The following GUCY1A2 variants were observed in gnomAD, a reference collection of about 807,000 sequenced individuals.
GUCY1A2 encodes guanylate cyclase 1 soluble subunit alpha 2.
Under a neutral mutation model 63.5 loss-of-function variants are expected in GUCY1A2, and 27 were observed. That is an observed-to-expected ratio of 0.43 (90% CI 0.31 to 0.59). GUCY1A2 has a LOEUF of 0.59. Ranked by LOEUF, GUCY1A2 falls within the 20% of genes least tolerant of loss-of-function variation. GUCY1A2 has a pLI of 0.11. For synonymous variants in GUCY1A2, 364 were observed against 343.5 expected (o/e 1.06, Z -0.66); for missense variants, 768 against 913.3 (o/e 0.84, Z 2.05).
intron 4 of GUCY1A2, among the ~76,000 whole-genome samples, chr11:106,853,143 G>A (rs550128291): frequency 1.3e-5 from 2 of 152,064 alleles, no homozygotes; most frequent in Non-Finnish European, 2.9e-5. Flanking sequence ...ATATGTTTAG[G>A]AATCTTTCAC....
In GUCY1A2 at chr11:106,681,102, G is replaced by A. The variant is rs562919822; in HGVS notation, c.*6447C>T. 14 of 208,602 alleles carry A rather than the reference G, an allele frequency of 6.7e-5. No homozygotes were observed. Among genetic ancestry groups the A allele is most frequent in the South Asian group, 1.9e-4 (1 of 5,318 alleles). The allele number at this position is 208,602 out of a possible 1,614,324, so 12.9% of individuals were successfully genotyped here. ...ACTAAAAACATGATTTTTTCATTTC[G>A]AAATCTGAAAGCTTTAGTGTTTTTT... On this transcript the variant is annotated 3_prime_UTR_variant, in exon 8 of 8. Coordinates refer to ENST00000526355, the MANE Select transcript of GUCY1A2 (RefSeq NM_000855.3).
chr11:106,850,871 C>T (rs1047844829), intron 4 of GUCY1A2, among the ~76,000 whole-genome samples: 2 of 151,868 alleles, frequency 1.3e-5, no homozygotes, highest in African/African-American at 2.4e-5. Context: ...AGTGGGATTA[C>T]TAAACTGTAT....
At chr11:107,016,756 G>T (rs1265976309) in intron 1 of GUCY1A2, among the ~76,000 whole-genome samples, 2 of 152,094 alleles carry the variant, frequency 1.3e-5, no homozygotes, top group Non-Finnish European at 2.9e-5. Flanking sequence ...AAGCACTAGA[G>T]AATCCATTGA....
At chr11:106,824,879 G>C (rs1858946509) in intron 4 of GUCY1A2, 2 of 1,612,158 alleles carry the variant, frequency 1.2e-6, no homozygotes, top group African/African-American at 2.7e-5. Flanking sequence ...GCAACTTCCA[G>C]AAGAAGGCTG....
At chr11:106,895,564 C>T (rs1860035778) in intron 4 of GUCY1A2, among the ~76,000 whole-genome samples, 1 of 152,172 alleles carries the variant, frequency 6.6e-6, no homozygotes, top group African/African-American at 2.4e-5. Flanking sequence ...TCCGCACATG[C>T]TCTCTTGCCA....
At chr11:106,760,874 CAG>C (rs960726772) in intron 6 of GUCY1A2, among the ~76,000 whole-genome samples, 4 of 152,004 alleles carry the variant, frequency 2.6e-5, no homozygotes, top group African/African-American at 4.8e-5. Context: ...AGAAGGAAGA[CAG>C]GAACTGAGGA....
chr11:106,966,591 T>C (rs1861129872), intron 3 of GUCY1A2, among the ~76,000 whole-genome samples: 1 of 152,212 alleles, frequency 6.6e-6, no homozygotes, highest in South Asian at 2.1e-4. Flanking sequence ...AACAAAGTAC[T>C]TAAAAACTAT....
chr11:106,901,100 C>T (rs1168943300), intron 4 of GUCY1A2, among the ~76,000 whole-genome samples: 2 of 152,178 alleles, frequency 1.3e-5, no homozygotes. Context: ...CCTCTCAAAC[C>T]CTGCTGCTGC....
chr11:106,832,393 A>G (rs577266821), intron 4 of GUCY1A2, among the ~76,000 whole-genome samples: 6 of 152,232 alleles, frequency 3.9e-5, no homozygotes, highest in African/African-American at 1.4e-4. Flanking sequence ...TTTCTTTTTG[A>G]TGTTTATTTT....
chr11:106,827,581 GA>G (rs1476257934), intron 4 of GUCY1A2: 4 of 1,454,384 alleles, frequency 2.8e-6, no homozygotes, highest in Non-Finnish European at 2.9e-6. Context: ...TATACATGCT[GA>G]TTGCCATCTT....
chr11:106,779,142 G>C lies in GUCY1A2; in HGVS notation c.1693-2560C>G, dbSNP rs1419115010. ...TTATCACTTGATCATCAGGAAATAT[G>C]CATTAAAACTGATTCAAATACCCCC... is the stretch of plus-strand genomic sequence containing the variant. On this transcript the variant is annotated intron_variant, in intron 5 of 7. Transcript: ENST00000526355. Among the ~76,000 whole-genome samples the C allele has an allele frequency of 4.6e-5, 7 of 152,212 alleles. No homozygotes were observed. In the South Asian group the frequency reaches 1.5e-3, roughly 32 times the overall value.
chr11:106,800,565 A>T (rs1447711121), intron 5 of GUCY1A2, among the ~76,000 whole-genome samples: 5 of 152,224 alleles, frequency 3.3e-5, no homozygotes, highest in Non-Finnish European at 7.3e-5. Flanking sequence ...GCCATAAAAA[A>T]GGATGAGTTC....
chr11:106,745,653 T>C (rs1333751143), intron 6 of GUCY1A2, among the ~76,000 whole-genome samples: 2 of 152,222 alleles, frequency 1.3e-5, no homozygotes, highest in South Asian at 2.1e-4. Context: ...AGATATTCCA[T>C]AAATAATGAC....
chr11:106,688,636 C>G (rs1311796167), intron 7 of GUCY1A2, among the ~76,000 whole-genome samples: 1 of 151,828 alleles, frequency 6.6e-6, no homozygotes, highest in Admixed American at 6.6e-5. Context: ...TTAAAAAAAC[C>G]CAATAAATGA....
At chr11:106,699,465 A>G (rs1033094906) in intron 7 of GUCY1A2, among the ~76,000 whole-genome samples, 1 of 152,242 alleles carries the variant, frequency 6.6e-6, no homozygotes, top group African/African-American at 2.4e-5. Flanking sequence ...AGAGTTGCCA[A>G]TCACAGTATT....
chr11:106,939,607 G>T lies in GUCY1A2; in HGVS notation c.1059C>A (p.Asp353Glu). 1 of 1,613,710 alleles carries T rather than the reference G, an allele frequency of 6.2e-7. No homozygotes were observed. ...CCTCAAACTTGAGCACTTTGTGAGT[G>T]TCACATCGAAGCTGCTTCCTTAGAC... The part of the protein sequence containing the change: ...GEGLRKQLRC[D>E]THKVLKFEDC... Residue 353 changes from aspartate to glutamate, a missense_variant, in exon 4 of 8, where the codon GAC becomes GAA. Around this residue, in one of 3 missense-constraint regions of GUCY1A2, gnomAD observed 496 missense variants for 486.9 expected, o/e 1.02. Transcript: ENST00000526355.
At chr11:106,787,411 C>CT (rs1455230243) in intron 5 of GUCY1A2, among the ~76,000 whole-genome samples, 5 of 11,210 alleles carry the variant, frequency 4.5e-4, no homozygotes, top group African/African-American at 1.5e-3. Flanking sequence ...ATTTGCCTTA[C>CT]TTTGTTTTTT....
chr11:106,885,459 T>C (rs1859885608), intron 4 of GUCY1A2, among the ~76,000 whole-genome samples: 1 of 152,202 alleles, frequency 6.6e-6, no homozygotes, highest in African/African-American at 2.4e-5. Flanking sequence ...AATTCTCGAA[T>C]GCTAATTTAT....
intron 2 of GUCY1A2, among the ~76,000 whole-genome samples, chr11:106,984,710 G>A (rs1861379794): frequency 6.6e-6 from 1 of 152,086 alleles, no homozygotes; most frequent in African/African-American, 2.4e-5. Context: ...CCACATACGA[G>A]GAACTATTTT....
Sources: gnomAD v4.1 joint callset for allele counts (sites outside exome capture counted in the v4.1 genomes callset) on GRCh38, gnomAD v4.1.1 for gene constraint, gnomAD v4.1.1 regional missense constraint, MANE v1.5 for transcripts, NCBI Gene and HGNC (gene_info 2026-07-23, HGNC 2026-07-21) for gene names.